ACER1: variants seen among roughly 807,000 people sequenced by gnomAD.
ACER1 encodes alkaline ceramidase 1.
Under a neutral mutation model 24.9 loss-of-function variants are expected in ACER1, and 28 were observed. That is an observed-to-expected ratio of 1.13 (90% CI 0.83 to 1.54). ACER1 has a LOEUF of 1.54. ACER1 is among the 40% of genes most tolerant of loss of function. The pLI, the probability that ACER1 is intolerant of heterozygous loss-of-function variation, is 0.00. For missense variants in ACER1, 352 were observed against 349.3 expected (o/e 1.01, Z -0.06); for synonymous variants, 132 against 131.4 (o/e 1.00, Z -0.03).
At chr19:6,325,724 G>T (rs1470559768) in intron 1 of ACER1, among the ~76,000 whole-genome samples, 1 of 152,034 alleles carries the variant, frequency 6.6e-6, no homozygotes, top group Non-Finnish European at 1.5e-5. Context: ...GCTGGGCGTG[G>T]TGGCTCATGC....
chr19:6,357,900 G>A, the ACER1 span, among the ~76,000 whole-genome samples: 1 of 152,188 alleles, frequency 6.6e-6, no homozygotes, highest in East Asian at 1.9e-4. Flanking sequence ...GTGAAAAGCA[G>A]TTGCAATGGG....
chr19:6,345,702 T>C, the ACER1 span, among the ~76,000 whole-genome samples: 1 of 151,624 alleles, frequency 6.6e-6, no homozygotes, highest in South Asian at 2.1e-4. Flanking sequence ...GTCGCTGGGA[T>C]TACAGGCGCG....
At chr19:6,320,284 C>T (rs947919399) in intron 1 of ACER1, among the ~76,000 whole-genome samples, 6 of 152,034 alleles carry the variant, frequency 3.9e-5, no homozygotes, top group African/African-American at 4.8e-5. Context: ...GTTGGAGGGA[C>T]GAAGTGTGCA....
chr19:6,345,725 C>T, the ACER1 span, among the ~76,000 whole-genome samples: 1 of 151,464 alleles, frequency 6.6e-6, no homozygotes, highest in African/African-American at 2.4e-5. Flanking sequence ...CGACCATGCC[C>T]AGCTAATTTT....
the ACER1 span, among the ~76,000 whole-genome samples, chr19:6,352,352 G>C: frequency 6.6e-6 from 1 of 152,174 alleles, no homozygotes; most frequent in Non-Finnish European, 1.5e-5. Flanking sequence ...TCTCTCTGAA[G>C]TCAGTTGCCA....
At chr19:6,325,863 A>C (rs1274792025) in intron 1 of ACER1, among the ~76,000 whole-genome samples, 1 of 149,340 alleles carries the variant, frequency 6.7e-6, no homozygotes, top group Non-Finnish European at 1.5e-5. Context: ...CTGTCACTAA[A>C]ACAAACAAAC....
the ACER1 span, among the ~76,000 whole-genome samples, chr19:6,351,558 C>T: frequency 0.027 from 3,966 of 145,934 alleles, 73 homozygotes; most frequent in Middle Eastern, 0.063. Context: ...TAGCAAGACC[C>T]GGCCCTTACC....
At chr19:6,313,326 A>T (rs1302856865) in intron 1 of ACER1, among the ~76,000 whole-genome samples, 1 of 151,990 alleles carries the variant, frequency 6.6e-6, no homozygotes, top group African/African-American at 2.4e-5. Flanking sequence ...TCACTATGTC[A>T]CCCAGGCTGG....
At chr19:6,340,584 G>A in the ACER1 span, among the ~76,000 whole-genome samples, 1 of 152,150 alleles carries the variant, frequency 6.6e-6, no homozygotes, top group East Asian at 1.9e-4. Context: ...GTGTGTGGGT[G>A]GAGCAGATGG....
chr19:6,332,467 C>T (rs1285091541), intron 1 of ACER1, among the ~76,000 whole-genome samples: 1 of 151,296 alleles, frequency 6.6e-6, no homozygotes, highest in Non-Finnish European at 1.5e-5. Flanking sequence ...GAGACAGGGT[C>T]TTGCTATGTT....
chr19:6,326,596 C>T (rs1414216626), intron 1 of ACER1, among the ~76,000 whole-genome samples: 2 of 151,842 alleles, frequency 1.3e-5, no homozygotes, highest in Admixed American at 1.3e-4. Context: ...TTTCCCCATT[C>T]AGCAAGCAGA....
At chr19:6,310,095 C>CT (rs923743060) in intron 3 of ACER1, among the ~76,000 whole-genome samples, 31 of 147,804 alleles carry the variant, frequency 2.1e-4, no homozygotes, top group South Asian at 1.3e-3. Flanking sequence ...AACCCCATTT[C>CT]TTTTTTTTTT....
the ACER1 span, among the ~76,000 whole-genome samples, chr19:6,348,465 GAA>G: frequency 4.7e-4 from 48 of 101,866 alleles, no homozygotes; most frequent in African/African-American, 1.2e-3. Context: ...ACTCCATCTG[GAA>G]AAAAAAAAAA....
chr19:6,355,899 C>T, the ACER1 span, among the ~76,000 whole-genome samples: 3 of 151,358 alleles, frequency 2.0e-5, no homozygotes, highest in East Asian at 2.0e-4. Context: ...AGGTGAGGGG[C>T]GCCTCTGCCC....
At chr19:6,356,979 G>A in the ACER1 span, among the ~76,000 whole-genome samples, 1 of 151,596 alleles carries the variant, frequency 6.6e-6, no homozygotes, top group South Asian at 2.1e-4. Context: ...GTTCTAGAGT[G>A]CCTGGGATAT....
chr19:6,333,487 G>T lies in ACER1; in HGVS notation c.65C>A (p.Ser22Ter). Residue 22 changes from serine to a stop codon, truncating the protein, a stop_gained, in exon 1 of 6, where the codon TCG (serine) becomes TAG (stop). Coordinates refer to ENST00000301452, the MANE Select transcript of ACER1 (RefSeq NM_133492.3). LOFTEE classifies it high-confidence loss of function. ...GTTGTAGAACTCGGCCACCAGCTCCGAGTACTGGAAGTTGCTCTCACACCA... is the reference window on the plus strand; with the variant it reads ...GTTGTAGAACTCGGCCACCAGCTCCTAGTACTGGAAGTTGCTCTCACACCA... ...VDWCESNFQY[S>*]ELVAEFYNTF... The T allele has an allele frequency of 1.3e-6, 2 of 1,592,274 alleles. No homozygotes were observed. The highest frequency in any genetic ancestry group is 1.1e-5 in the South Asian group (1 of 87,822).
the ACER1 span, among the ~76,000 whole-genome samples, chr19:6,352,422 A>G: frequency 6.6e-6 from 1 of 152,208 alleles, no homozygotes; most frequent in African/African-American, 2.4e-5. Context: ...GGAGAGAGAG[A>G]TGACTCACTG....
At chr19:6,324,858 A>AG (rs1568312203) in intron 1 of ACER1, among the ~76,000 whole-genome samples, 13 of 130,992 alleles carry the variant, frequency 9.9e-5, no homozygotes, top group South Asian at 2.6e-4. Context: ...AGAGAGAGAG[A>AG]GAAAGGAAGG....
chr19:6,347,261 T>C, the ACER1 span, among the ~76,000 whole-genome samples: 8,159 of 144,186 alleles, frequency 0.057, 359 homozygotes, highest in African/African-American at 0.12. Context: ...CACTTTGTCA[T>C]CCAGACTGGA....
Sources: gnomAD v4.1 joint callset for allele counts (sites outside exome capture counted in the v4.1 genomes callset) on GRCh38, gnomAD v4.1.1 for gene constraint, MANE v1.5 for transcripts, NCBI Gene and HGNC (gene_info 2026-07-23, HGNC 2026-07-21) for gene names.